RIMS2: variants seen among roughly 807,000 people sequenced by gnomAD.
The protein encoded by RIMS2 is regulating synaptic membrane exocytosis protein 2.
In RIMS2, 59 loss-of-function variants were observed where a neutral mutation model predicts 174.4. That is an observed-to-expected ratio of 0.34 (90% CI 0.27 to 0.42). The LOEUF is 0.42. Among genes scored for constraint, RIMS2 ranks in the 10% least tolerant of loss-of-function variants. The pLI is 1.00. For synonymous variants in RIMS2, 606 were observed against 572.5 expected, an observed-to-expected ratio of 1.06 and a Z score of -0.84; for missense variants, 1,620 against 1,666.3, an observed-to-expected ratio of 0.97 and a Z score of 0.48.
At chr8:104,066,907 C>T (rs1320120384) in intron 19 of RIMS2, among the ~76,000 whole-genome samples, 1 of 151,928 alleles carries the variant, frequency 6.6e-6, no homozygotes, top group African/African-American at 2.4e-5. Flanking sequence ...CTTCCCTTTT[C>T]ATATTATTTT....
chr8:104,000,789 T>A (rs1047938722), intron 17 of RIMS2, among the ~76,000 whole-genome samples: 6 of 152,012 alleles, frequency 3.9e-5, no homozygotes, highest in Non-Finnish European at 8.8e-5. Context: ...GTGGTTTTGA[T>A]TTGCATTTCT....
chr8:103,644,127 A>C (rs2096281306), intron 1 of RIMS2, among the ~76,000 whole-genome samples: 1 of 151,696 alleles, frequency 6.6e-6, no homozygotes, highest in African/African-American at 2.4e-5. Context: ...GTGTGTTGGC[A>C]CCCGTAAGAC....
chr8:103,662,606 T>TA (rs1478232611), intron 1 of RIMS2, among the ~76,000 whole-genome samples: 1 of 152,226 alleles, frequency 6.6e-6, no homozygotes, highest in Non-Finnish European at 1.5e-5. Flanking sequence ...ATTGAGTTGA[T>TA]ACTTTTCTTC....
chr8:103,942,900 G>T (rs1359879065), exon 14 of RIMS2: 1 of 1,612,242 alleles, frequency 6.2e-7, no homozygotes, highest in Non-Finnish European at 8.5e-7. Flanking sequence ...CAGCTCCATG[G>T]AGAGAGCCCA....
At chr8:103,575,594 C>G (rs886703138) in intron 1 of RIMS2, among the ~76,000 whole-genome samples, 7 of 150,726 alleles carry the variant, frequency 4.6e-5, no homozygotes, top group Non-Finnish European at 7.4e-5. Context: ...TGGCTGCACT[C>G]CCCCACCACA....
intron 8 of RIMS2, 82 bp downstream of exon 11, chr8:103,916,619 A>C (rs1180977680): frequency 1.8e-6 from 2 of 1,122,986 alleles, no homozygotes; most frequent in Non-Finnish European, 2.5e-6. Context: ...ATAATTTCTG[A>C]TTGCTTTATG....
At chr8:103,597,300 G>A (rs1464489864) in intron 1 of RIMS2, among the ~76,000 whole-genome samples, 1 of 152,106 alleles carries the variant, frequency 6.6e-6, no homozygotes, top group Admixed American at 6.6e-5. Flanking sequence ...ACAGTTTCAG[G>A]CCTTTCTGCT....
At chr8:104,076,220 T>C (rs2097289158) in intron 19 of RIMS2, among the ~76,000 whole-genome samples, 1 of 152,136 alleles carries the variant, frequency 6.6e-6, no homozygotes, top group Non-Finnish European at 1.5e-5. Context: ...TGCCAAATGG[T>C]TATATAGCCT....
At chr8:104,053,095 C>T (rs188026085) in intron 19 of RIMS2, among the ~76,000 whole-genome samples, 1 of 152,164 alleles carries the variant, frequency 6.6e-6, no homozygotes, top group Non-Finnish European at 1.5e-5. Flanking sequence ...TTTCTAGTAA[C>T]CTTTGAGAGA....
chr8:104,031,268 T>G (rs959211049), intron 19 of RIMS2, among the ~76,000 whole-genome samples: 1 of 152,116 alleles, frequency 6.6e-6, no homozygotes, highest in African/African-American at 2.4e-5. Context: ...AATTTCTACA[T>G]TGTAATTCTA....
chr8:103,877,608 A>G (rs1174274534), intron 3 of RIMS2, among the ~76,000 whole-genome samples: 1 of 151,726 alleles, frequency 6.6e-6, no homozygotes, highest in Non-Finnish European at 1.5e-5. Flanking sequence ...TTTTATACAA[A>G]TCCCATTCTG....
chr8:103,559,220 A>C, intron 1 of RIMS2: 1 of 196,174 alleles, frequency 5.1e-6, no homozygotes, highest in Non-Finnish European at 1.0e-5. Context: ...CTTCCTCCCC[A>C]CTTCCTTCTT....
At chr8:103,609,345 A>G (rs1244122704) in intron 1 of RIMS2, among the ~76,000 whole-genome samples, 2 of 152,164 alleles carry the variant, frequency 1.3e-5, no homozygotes, top group Admixed American at 6.5e-5. Flanking sequence ...TGCTGTACAG[A>G]ACCTCTTTAG....
chr8:103,837,371 A>G (rs2098904096), intron 3 of RIMS2, among the ~76,000 whole-genome samples: 2 of 152,216 alleles, frequency 1.3e-5, no homozygotes, highest in Admixed American at 6.5e-5. Flanking sequence ...CTCAGCTTCT[A>G]GAGGATTTTT....
chr8:103,856,387 A>G (rs1488967196), intron 3 of RIMS2, among the ~76,000 whole-genome samples: 1 of 152,218 alleles, frequency 6.6e-6, no homozygotes, highest in East Asian at 1.9e-4. Context: ...ACTTTTATGT[A>G]CAAGTTTTAA....
chr8:103,843,800 T>C (rs536443650), intron 3 of RIMS2, among the ~76,000 whole-genome samples: 3 of 152,346 alleles, frequency 2.0e-5, no homozygotes, highest in Non-Finnish European at 2.9e-5. Flanking sequence ...TCTTTTAGAA[T>C]CTTATAAAAA....
intron 3 of RIMS2, among the ~76,000 whole-genome samples, chr8:103,834,737 T>TC (rs1205303927): frequency 6.3e-5 from 9 of 143,958 alleles, no homozygotes; most frequent in African/African-American, 2.2e-4. Flanking sequence ...TCTTTCTTTC[T>TC]TTCTTTCTCT....
chr8:103,515,570 G>C (rs905667327), intron 1 of RIMS2, among the ~76,000 whole-genome samples: 6 of 152,106 alleles, frequency 3.9e-5, no homozygotes, highest in Non-Finnish European at 8.8e-5. Flanking sequence ...AAAGCCAACA[G>C]TAATTGGGAT....
chr8:103,633,577 C>A (rs2096000420), intron 1 of RIMS2, among the ~76,000 whole-genome samples: 1 of 152,134 alleles, frequency 6.6e-6, no homozygotes, highest in East Asian at 1.9e-4. Context: ...GTCTTCCCCC[C>A]TCAGTTATTT....
Sources: gnomAD v4.1 joint callset for allele counts (sites outside exome capture counted in the v4.1 genomes callset) on GRCh38, gnomAD v4.1.1 for gene constraint, MANE v1.5 for transcripts, NCBI Gene and HGNC (gene_info 2026-07-23, HGNC 2026-07-21) for gene names.